The following C8orf34 variants were observed in gnomAD, a reference collection of about 807,000 sequenced individuals.
C8orf34 encodes chromosome 8 open reading frame 34.
A neutral mutation model predicts 68.3 loss-of-function variants in C8orf34; 65 were observed. That is an observed-to-expected ratio of 0.95 (90% confidence interval 0.78 to 1.17). The LOEUF is 1.17. Ranked by LOEUF, C8orf34 falls within the 50% of genes most tolerant of loss-of-function variation. The pLI is 0.00. For missense variants in C8orf34, 664 were observed against 655.4 expected (o/e 1.01, Z -0.14); for synonymous variants, 244 against 241.2 (o/e 1.01, Z -0.11).
chr8:68,602,748 C>G (rs1294100146), intron 7 of C8orf34, among the ~76,000 whole-genome samples: 2 of 151,934 alleles, frequency 1.3e-5, no homozygotes, highest in African/African-American at 2.4e-5. Context: ...CGTACTAGAT[C>G]GTTGACATCA....
intron 7 of C8orf34, among the ~76,000 whole-genome samples, chr8:68,594,665 C>G (rs1439359746): frequency 6.6e-6 from 1 of 151,948 alleles, no homozygotes; most frequent in Non-Finnish European, 1.5e-5. Context: ...TTTCTATGTT[C>G]TACTATTCTA....
chr8:68,509,979 C>T (rs1167417254), intron 5 of C8orf34, among the ~76,000 whole-genome samples: 1 of 152,138 alleles, frequency 6.6e-6, no homozygotes, highest in African/African-American at 2.4e-5. Flanking sequence ...TGGATACTAA[C>T]GTGGCCTTTA....
chr8:68,393,582 C>T (rs1019629498), intron 1 of C8orf34, among the ~76,000 whole-genome samples: 1 of 124,142 alleles, frequency 8.1e-6, no homozygotes, highest in Admixed American at 8.1e-5. Flanking sequence ...AAGAAAATGA[C>T]ACCATGGCAA....
intron 1 of C8orf34, among the ~76,000 whole-genome samples, chr8:68,401,538 G>A (rs1171880078): frequency 1.3e-5 from 2 of 152,018 alleles, no homozygotes; most frequent in Non-Finnish European, 2.9e-5. Context: ...TGATTATTTG[G>A]ATGTGTGTTC....
intron 8 of C8orf34, among the ~76,000 whole-genome samples, chr8:68,662,498 G>A (rs6472414): frequency 0.67 from 101,876 of 151,984 alleles, 35,653 homozygotes; most frequent in African/African-American, 0.87. Flanking sequence ...TACTGTTCTC[G>A]TTGTGGTGAA....
chr8:68,547,932 A>G (rs1815940046), intron 7 of C8orf34, among the ~76,000 whole-genome samples: 3 of 151,804 alleles, frequency 2.0e-5, no homozygotes, highest in South Asian at 4.1e-4. Flanking sequence ...CAAAGCCACC[A>G]AGGCAATTTG....
At chr8:68,472,821 T>A (rs1812438821) in intron 4 of C8orf34, among the ~76,000 whole-genome samples, 1 of 152,186 alleles carries the variant, frequency 6.6e-6, no homozygotes, top group African/African-American at 2.4e-5. Context: ...TATTTTATAT[T>A]CTTTTTCTCT....
chr8:68,523,278 T>G (rs1004071226), intron 6 of C8orf34, among the ~76,000 whole-genome samples: 3 of 152,206 alleles, frequency 2.0e-5, no homozygotes, highest in African/African-American at 7.2e-5. Flanking sequence ...TCTTTAGTTC[T>G]TAAATGTAAA....
chr8:68,498,302 A>T (rs1813618422), intron 5 of C8orf34, among the ~76,000 whole-genome samples: 1 of 152,256 alleles, frequency 6.6e-6, no homozygotes, highest in Non-Finnish European at 1.5e-5. Flanking sequence ...AGATAGGGAT[A>T]GAAGCTTGCC....
intron 9 of C8orf34, among the ~76,000 whole-genome samples, chr8:68,719,020 A>G (rs1821555339): frequency 6.7e-6 from 1 of 150,116 alleles, no homozygotes; most frequent in Non-Finnish European, 1.5e-5. Context: ...ATCATATATA[A>G]AAGAAATTGC....
chr8:68,457,651 A>G (rs1256026818), intron 3 of C8orf34, among the ~76,000 whole-genome samples: 1 of 152,190 alleles, frequency 6.6e-6, no homozygotes, highest in African/African-American at 2.4e-5. Flanking sequence ...ACTCCTTAAT[A>G]TACAATAGGC....
intron 8 of C8orf34, among the ~76,000 whole-genome samples, chr8:68,665,256 A>G (rs997273496): frequency 6.6e-6 from 1 of 152,230 alleles, no homozygotes; most frequent in Non-Finnish European, 1.5e-5. Context: ...GCAACTTTAA[A>G]TTGTGTATAC....
chr8:68,636,756 C>T (rs930546502), intron 7 of C8orf34, among the ~76,000 whole-genome samples: 1 of 152,154 alleles, frequency 6.6e-6, no homozygotes, highest in Non-Finnish European at 1.5e-5. Context: ...TCTTTTTCAT[C>T]TTTTTTGTTG....
intron 1 of C8orf34, among the ~76,000 whole-genome samples, chr8:68,414,682 G>T (rs1162909338): frequency 1.3e-5 from 2 of 152,100 alleles, no homozygotes; most frequent in East Asian, 3.9e-4. Context: ...TAGGATGAGG[G>T]TTGTCTAGAA....
intron 8 of C8orf34, among the ~76,000 whole-genome samples, chr8:68,655,663 C>T (rs757138559): frequency 1.9e-4 from 29 of 152,102 alleles, no homozygotes; most frequent in Admixed American, 5.2e-4. Flanking sequence ...TAAGCTTGTT[C>T]GAGCAGTTAG....
chr8:68,782,680 G>A (rs1823714153), intron 11 of C8orf34, among the ~76,000 whole-genome samples: 1 of 152,154 alleles, frequency 6.6e-6, no homozygotes, highest in African/African-American at 2.4e-5. Flanking sequence ...TCCTATGATA[G>A]GAGTTTAAGT....
chr8:68,655,273 T>C (rs1325286585), intron 8 of C8orf34, among the ~76,000 whole-genome samples: 1 of 152,214 alleles, frequency 6.6e-6, no homozygotes, highest in Non-Finnish European at 1.5e-5. Flanking sequence ...CATTCGGTAA[T>C]AGCTGTACCA....
chr8:68,420,050 G>T (rs935579064), intron 1 of C8orf34, among the ~76,000 whole-genome samples: 1 of 151,228 alleles, frequency 6.6e-6, no homozygotes. Context: ...AGAGCTAACA[G>T]GTTAGTGAAG....
intron 2 of C8orf34, among the ~76,000 whole-genome samples, chr8:68,444,936 G>C (rs1437392627): frequency 6.6e-6 from 1 of 152,130 alleles, no homozygotes; most frequent in Middle Eastern, 3.4e-3. Flanking sequence ...GTCCAAGAAT[G>C]GATATAGAAA....
Sources: allele counts gnomAD v4.1 joint callset (sites outside exome capture counted in the v4.1 genomes callset), GRCh38; gene constraint gnomAD v4.1.1; transcripts MANE v1.5; gene names NCBI Gene and HGNC (gene_info 2026-07-23, HGNC 2026-07-21).